Variants in RPGRIP1L observed in about 807,000 individuals in gnomAD.
RPGRIP1L encodes the protein protein fantom.
RPGRIP1L carries 131 observed loss-of-function variants against 160.4 expected under a neutral mutation model. The observed-to-expected ratio is 0.82, with a 90% CI of 0.71 to 0.94. The LOEUF (loss-of-function observed/expected upper bound fraction) is 0.94. RPGRIP1L is among the 40% of genes least tolerant of loss of function. The pLI is 0.00. For synonymous variants in RPGRIP1L, 510 were observed against 515.8 expected (o/e 0.99, Z 0.15); for missense variants, 1,522 against 1,535.8 (o/e 0.99, Z 0.15).
At chr16:53,619,600 G>A (rs1221896883) in intron 23 of RPGRIP1L, among the ~76,000 whole-genome samples, 4 of 152,174 alleles carry the variant, frequency 2.6e-5, no homozygotes, top group Non-Finnish European at 5.9e-5. Flanking sequence ...TTAATCTACA[G>A]TACCTGAGAA....
intron 9 of RPGRIP1L, among the ~76,000 whole-genome samples, chr16:53,670,573 AT>A (rs1968631926): frequency 6.6e-6 from 1 of 152,188 alleles, no homozygotes; most frequent in South Asian, 2.1e-4. Context: ...GAAGGGATTA[AT>A]TTCTAAAATA....
At position 53,658,465 on chromosome 16, in the gene RPGRIP1L, C is replaced by T. The variant is rs751136969; in HGVS notation, c.1351-1G>A. ...ATTCATCAGCATTAATATCATTCTC[C>T]TGCAATAGATTAAGTAAAAGCTCAC... On this transcript the variant is annotated splice_acceptor_variant, in intron 11 of 26. Transcript: ENST00000647211. LOFTEE classifies it high-confidence loss of function. 1.1e-5 allele frequency: 18 copies of T among 1,605,074 alleles called. No individual in the cohort carries two copies. Among genetic ancestry groups the T allele is most frequent in the Non-Finnish European group, 7.7e-6 (9 of 1,172,198 alleles).
rs970384726 is a variant in RPGRIP1L at position 53,598,345 on chromosome 16, C to T, written c.*3731G>A. On this transcript the variant is annotated 3_prime_UTR_variant, in exon 27 of 27. Transcript: ENST00000647211. ...AGTCTAAGAGTACCAGATTGCACTT[C>T]CAAAAGCCTGAAGGAAAAACATAGC... 2 of 152,040 alleles carry T rather than the reference C, an allele frequency of 1.3e-5. No individual in the cohort carries two copies. The highest frequency in any genetic ancestry group is 4.8e-5 in the African/African-American group (2 of 41,416). 9.4% of individuals were successfully genotyped at this position (152,040 alleles called of 1,614,324 possible).
intron 22 of RPGRIP1L, among the ~76,000 whole-genome samples, chr16:53,622,799 CCACACACACACACACACACACACACA>C (rs201959082): frequency 2.2e-5 from 3 of 135,810 alleles, no homozygotes; most frequent in Non-Finnish European, 4.7e-5. Flanking sequence ...AAAACAAAAA[CCACACACACACACACACACACACACA>C]CACACACACA....
At chr16:53,628,392 G>A (rs1205491340) in intron 22 of RPGRIP1L, 3 of 152,094 alleles carry the variant, frequency 2.0e-5, no homozygotes, top group African/African-American at 7.2e-5. Flanking sequence ...TTAATTAATG[G>A]TGATTCTTAC....
chr16:53,611,119 T>TGTATTTTTAAAAACAG, intron 24 of RPGRIP1L, 68 bp from the exon 25 acceptor site: 1 of 1,100,810 alleles, frequency 9.1e-7, no homozygotes, highest in Non-Finnish European at 1.4e-6. Flanking sequence ...AGTACCATTC[T>TGTATTTTTAAAAACAG]GTATTTTTAA....
intron 10 of RPGRIP1L, among the ~76,000 whole-genome samples, chr16:53,661,520 A>G (rs968927535): frequency 6.6e-6 from 1 of 152,286 alleles, no homozygotes; most frequent in East Asian, 1.9e-4. Flanking sequence ...AAGAAGGCAA[A>G]TATAGTCCGA....
At chr16:53,662,602 T>C (rs1368692321) in intron 10 of RPGRIP1L, among the ~76,000 whole-genome samples, 2 of 152,076 alleles carry the variant, frequency 1.3e-5, no homozygotes. Context: ...TTTCTAAATA[T>C]TAAAAGATTT....
intron 17 of RPGRIP1L, among the ~76,000 whole-genome samples, chr16:53,644,683 A>T (rs1966435337): frequency 6.6e-6 from 1 of 152,220 alleles, no homozygotes; most frequent in Admixed American, 6.5e-5. Context: ...AAGTGCAGAA[A>T]GTTAAAAACT....
At chr16:53,686,071 C>T (rs1195978401) in intron 6 of RPGRIP1L, among the ~76,000 whole-genome samples, 1 of 152,132 alleles carries the variant, frequency 6.6e-6, no homozygotes, top group African/African-American at 2.4e-5. Context: ...TAATGCTGGA[C>T]TTATGTACAA....
intron 22 of RPGRIP1L, among the ~76,000 whole-genome samples, chr16:53,630,109 T>C (rs1223515933): frequency 6.6e-6 from 1 of 152,090 alleles, no homozygotes; most frequent in Non-Finnish European, 1.5e-5. Context: ...TGCAGTGGTA[T>C]GATCCCAGCT....
chr16:53,625,428 G>A (rs1184257220), intron 22 of RPGRIP1L, among the ~76,000 whole-genome samples: 3 of 148,336 alleles, frequency 2.0e-5, no homozygotes, highest in Non-Finnish European at 3.0e-5. Context: ...CCGTCTGGGG[G>A]GTGGGGTGGG....
In RPGRIP1L at chr16:53,640,270, G is replaced by T. The variant is rs138291254; in HGVS notation, c.2958+763C>A. The stretch of plus-strand genomic sequence containing the variant: ...GAGGGTTGGTATAATCAGGAGTTTG[G>T]TTTCTGACATGTTAAGTTTAAATTC... On this transcript the variant is annotated intron_variant, in intron 19 of 26. Transcript: ENST00000647211. 5.9e-5 allele frequency among the ~76,000 whole-genome samples: 9 copies of T among 152,258 alleles called. No individual in the cohort carries two copies. The East Asian group carries it at 1.7e-3, about 29-fold the overall frequency.
At chr16:53,689,718 A>T (rs1970259256) in intron 4 of RPGRIP1L, among the ~76,000 whole-genome samples, 1 of 152,184 alleles carries the variant, frequency 6.6e-6, no homozygotes, top group Non-Finnish European at 1.5e-5. Context: ...CTCAGCCTCA[A>T]AGGTAGTCCT....
At position 53,656,549 on chromosome 16, in the gene RPGRIP1L, T is replaced by G; in HGVS notation, c.1622A>C (p.Gln541Pro). Reference protein sequence around the residue: ...EAVTRKMENLQQDYELKVEQY... With the variant: ...EAVTRKMENLPQDYELKVEQY... ...TTCCACTTTGAGTTCATAATCTTGCTGCAAATTTTCCATCTTACGGGTCAC... is the reference window on the plus strand; with the variant it reads ...TTCCACTTTGAGTTCATAATCTTGCGGCAAATTTTCCATCTTACGGGTCAC... Residue 541 changes from glutamine to proline, a missense_variant, in exon 14 of 27, where the codon CAG (glutamine) becomes CCG (proline). Physicochemically the swap from Gln to Pro is moderately conservative, Grantham distance 76. Transcript: ENST00000647211. The G allele has an allele frequency of 6.2e-7, 1 of 1,614,074 alleles. No individual in the cohort carries two copies.
chr16:53,618,995 A>G (rs1311109270), intron 24 of RPGRIP1L, 30 bp downstream of exon 24: 2 of 1,532,486 alleles, frequency 1.3e-6, no homozygotes, highest in Non-Finnish European at 1.8e-6. Flanking sequence ...ACAAACATAA[A>G]AGTCTATATT....
intron 15 of RPGRIP1L, among the ~76,000 whole-genome samples, chr16:53,651,812 C>T (rs1172066048): frequency 6.6e-6 from 1 of 152,014 alleles, no homozygotes; most frequent in Non-Finnish European, 1.5e-5. Context: ...CCACCATATT[C>T]CCAGTGCCTA....
Position 53,692,251 on chromosome 16 carries a change from A to G in RPGRIP1L, c.344T>C (p.Leu115Pro). 1.2e-6 allele frequency: 2 copies of G among 1,614,196 alleles called. No individual in the cohort carries two copies. Among genetic ancestry groups the G allele is most frequent in the South Asian group, 2.2e-5 (2 of 91,080 alleles). Residue 115 changes from leucine (L) to proline (P), a missense_variant, in exon 4 of 27, where the codon CTG (leucine) becomes CCG (proline). Physicochemically the swap from Leu to Pro is moderately conservative, Grantham distance 98. Transcript: ENST00000647211. ...TTCAAGCTCATGAACTTTCTCTTGC[A>G]GCTGCTCAATCATTTCTTCCATTTC... is the stretch of plus-strand genomic sequence containing the variant. ...DVEMEEMIEQ[L>P]QEKVHELEKQ...
In RPGRIP1L at chr16:53,656,570, G is replaced by A. The variant is rs1396529919; in HGVS notation, c.1601C>T (p.Thr534Ile). The change falls in exon 14 of 27, where the codon ACC (threonine) becomes ATC (isoleucine). Residue 534 changes from threonine (T) to isoleucine (I), a missense_variant. Physicochemically the swap from Thr to Ile is moderately conservative, Grantham distance 89. Coordinates refer to ENST00000647211, the MANE Select transcript of RPGRIP1L (RefSeq NM_015272.5). ...KDYQMEVEAV[T>I]RKMENLQQDY... ...TTGCTGCAAATTTTCCATCTTACGG[G>A]TCACTGCCTCAACCTCCATCTACAA... is the stretch of plus-strand genomic sequence containing the variant. 2 of 1,612,654 alleles carry A rather than the reference G, an allele frequency of 1.2e-6. No individual in the cohort carries two copies. The highest frequency in any genetic ancestry group is 2.2e-5 in the East Asian group (1 of 44,854).
Sources: allele counts gnomAD v4.1 joint callset (sites outside exome capture counted in the v4.1 genomes callset), GRCh38; gene constraint gnomAD v4.1.1; transcripts MANE v1.5; gene names NCBI Gene and HGNC (gene_info 2026-07-23, HGNC 2026-07-21).